LAMA2: variants seen among roughly 807,000 people sequenced by gnomAD.
LAMA2 encodes the protein laminin subunit alpha 2, also known as laminin subunit alpha-2.
A neutral mutation model predicts 364.8 loss-of-function variants in LAMA2; 269 were observed. The observed-to-expected ratio is 0.74, with a 90% CI of 0.67 to 0.82. LAMA2 has a LOEUF of 0.82. LAMA2 is among the 40% of genes least tolerant of loss of function. The pLI is 0.00. For missense variants in LAMA2, 3,807 were observed against 3,873.2 expected, an observed-to-expected ratio of 0.98 and a Z score of 0.45; for synonymous variants, 1,379 against 1,370.6, an observed-to-expected ratio of 1.01 and a Z score of -0.14.
intron 12 of LAMA2, among the ~76,000 whole-genome samples, chr6:129,237,296 A>AT (rs1177348824): frequency 1.3e-5 from 2 of 151,334 alleles, no homozygotes; most frequent in East Asian, 1.9e-4. Context: ...CATTTTCAAT[A>AT]TTTTTTACTA....
chr6:129,326,745 T>TATATATAATTTATATATA (rs1775321600), intron 28 of LAMA2, among the ~76,000 whole-genome samples: 1 of 142,624 alleles, frequency 7.0e-6, no homozygotes, highest in African/African-American at 2.5e-5. Flanking sequence ...TTATATATTA[T>TATATATAATTTATATATA]ATATATAATT....
chr6:129,138,767 A>G (rs1777948560), intron 4 of LAMA2, among the ~76,000 whole-genome samples: 1 of 152,148 alleles, frequency 6.6e-6, no homozygotes, highest in Non-Finnish European at 1.5e-5. Flanking sequence ...AGCTACTGAC[A>G]ATTCATAAAG....
intron 35 of LAMA2, 44 bp downstream of exon 35, chr6:129,383,277 A>C (rs1334679045): frequency 2.1e-6 from 3 of 1,403,030 alleles, no homozygotes; most frequent in Non-Finnish European, 3.0e-6. Context: ...CTCCCAACAG[A>C]AAAACACAGA....
At chr6:128,929,055 G>C in intron 1 of LAMA2, 2 of 1,448,566 alleles carry the variant, frequency 1.4e-6, no homozygotes, top group East Asian at 2.3e-5. Context: ...TCTAGCTGTG[G>C]ATAGTGGCTA....
In LAMA2 at chr6:129,177,865, A is replaced by T. The variant is rs770464694; in HGVS notation, c.1466A>T (p.Lys489Met). ...EDPCFGPCIC[K>M]ENVEGGDCSR... is the part of the protein sequence containing the mutation. The stretch of plus-strand genomic sequence containing the variant: ...CCTTGTTTTGGCCCCTGTATCTGCA[A>T]GGTACATTGTTTATTCCAGTAATGT... Residue 489 changes from lysine to methionine, a missense_variant and splice_region_variant, in exon 10 of 65, where the codon AAG (lysine) becomes ATG (methionine). Transcript: ENST00000421865. 2.5e-6 allele frequency: 4 copies of T among 1,613,712 alleles called. No homozygotes were observed. The South Asian group carries it at 4.4e-5, about 18-fold the overall frequency.
chr6:129,226,701 G>A (rs1026012223), intron 12 of LAMA2, among the ~76,000 whole-genome samples: 20 of 152,038 alleles, frequency 1.3e-4, no homozygotes, highest in African/African-American at 4.8e-4. Flanking sequence ...CGAGCGATCT[G>A]CTGTTAGTCT....
At chr6:129,220,825 T>A (rs1223812366) in intron 12 of LAMA2, among the ~76,000 whole-genome samples, 1 of 151,068 alleles carries the variant, frequency 6.6e-6, no homozygotes, top group Non-Finnish European at 1.5e-5. Context: ...TTGTCTGTGC[T>A]GTATCTCTTT....
At chr6:129,047,839 T>A (rs970308341) in intron 1 of LAMA2, among the ~76,000 whole-genome samples, 1 of 152,232 alleles carries the variant, frequency 6.6e-6, no homozygotes, top group Non-Finnish European at 1.5e-5. Flanking sequence ...CTTTCTTTTT[T>A]AATTTTTTGT....
intron 1 of LAMA2, among the ~76,000 whole-genome samples, chr6:128,966,670 C>T (rs888058802): frequency 3.3e-5 from 5 of 152,028 alleles, no homozygotes; most frequent in African/African-American, 1.2e-4. Context: ...TGTCTCAATG[C>T]TAAATATTCA....
At chr6:128,953,352 A>G (rs1780952082) in intron 1 of LAMA2, among the ~76,000 whole-genome samples, 1 of 152,142 alleles carries the variant, frequency 6.6e-6, no homozygotes, top group Non-Finnish European at 1.5e-5. Flanking sequence ...TTCTGCTCAC[A>G]AAAAAATTAG....
In LAMA2 at chr6:129,154,658, C is replaced by T. The variant is rs1279817420; in HGVS notation, c.1181C>T (p.Thr394Ile). The T allele has an allele frequency of 1.2e-6, 2 of 1,613,822 alleles. No homozygotes were observed. The highest frequency in any genetic ancestry group is 1.7e-6 in the Non-Finnish European group (2 of 1,179,902). ...GCTGGTATAAACTGCGAGACATGTA[C>T]TGATGGCTTCTTCAGACCCAAAGGG... The part of the protein sequence containing the change: ...NTAGINCETC[T>I]DGFFRPKGVS... Residue 394 changes from threonine to isoleucine, a missense_variant, in exon 8 of 65, where the codon ACT becomes ATT. Thr to Ile is a moderately conservative substitution (Grantham distance 89). Coordinates refer to ENST00000421865, the MANE Select transcript of LAMA2 (RefSeq NM_000426.4).
At chr6:129,132,318 C>T (rs569119238) in intron 4 of LAMA2, among the ~76,000 whole-genome samples, 1 of 152,252 alleles carries the variant, frequency 6.6e-6, no homozygotes, top group African/African-American at 2.4e-5. Context: ...AGGCGCCCGC[C>T]ACCACGCCTG....
chr6:129,224,650 A>G (rs962860010), intron 12 of LAMA2, among the ~76,000 whole-genome samples: 1 of 152,180 alleles, frequency 6.6e-6, no homozygotes, highest in Non-Finnish European at 1.5e-5. Flanking sequence ...TGATTTGTGT[A>G]TGTTGAACCA....
intron 10 of LAMA2, among the ~76,000 whole-genome samples, chr6:129,189,676 G>A (rs1781420116): frequency 6.6e-6 from 1 of 152,038 alleles, no homozygotes; most frequent in Non-Finnish European, 1.5e-5. Context: ...TTCTCTACCT[G>A]TCAAATTCCT....
intron 1 of LAMA2, among the ~76,000 whole-genome samples, chr6:128,923,414 A>G (rs972363901): frequency 2.0e-5 from 3 of 148,182 alleles, no homozygotes; most frequent in Non-Finnish European, 3.0e-5. Flanking sequence ...CTCCTTGAAG[A>G]GGTCCTTCAC....
intron 8 of LAMA2, chr6:129,158,617 T>A: frequency 6.2e-7 from 1 of 1,614,132 alleles, no homozygotes; most frequent in Non-Finnish European, 8.5e-7. Context: ...CTGGAGAAGA[T>A]GATCATAGCA....
chr6:129,442,268 G>A (rs1240298813), intron 43 of LAMA2: 8 of 1,266,712 alleles, frequency 6.3e-6, no homozygotes, highest in South Asian at 2.5e-5. Context: ...TTATTAATAC[G>A]ACTCCTTCAT....
At chr6:129,495,472 A>ATTG (rs927238869) in intron 58 of LAMA2, among the ~76,000 whole-genome samples, 1 of 152,144 alleles carries the variant, frequency 6.6e-6, no homozygotes, top group Non-Finnish European at 1.5e-5. Flanking sequence ...CCCTCCCTTA[A>ATTG]TTGTTACCAT....
At chr6:129,286,697 AT>A (rs1286576326) in intron 18 of LAMA2, among the ~76,000 whole-genome samples, 1 of 2,244 alleles carries the variant, frequency 4.5e-4, no homozygotes, top group East Asian at 5.4e-3. Flanking sequence ...TTTATATAAT[AT>A]ATATAATAAT....
Sources: gnomAD v4.1 joint callset for allele counts (sites outside exome capture counted in the v4.1 genomes callset) on GRCh38, gnomAD v4.1.1 for gene constraint, MANE v1.5 for transcripts, NCBI Gene and HGNC (gene_info 2026-07-23, HGNC 2026-07-21) for gene names.